Variants in PPFIA2 observed in about 807,000 individuals in gnomAD.
PPFIA2 encodes the protein PPFI scaffold protein A2, also known as liprin-alpha-2.
Under a neutral mutation model 175.5 loss-of-function variants are expected in PPFIA2, and 46 were observed. The observed-to-expected ratio is 0.26, with a 90% CI of 0.21 to 0.34. The LOEUF (loss-of-function observed/expected upper bound fraction) is 0.34. PPFIA2 is among the 10% of genes least tolerant of loss of function. The probability of loss-of-function intolerance (pLI) is 1.00; values close to 1 mark genes in which losing one functional copy is unlikely to be tolerated. For synonymous variants in PPFIA2, 568 were observed against 511.4 expected (o/e 1.11, Z -1.49); for missense variants, 1,179 against 1,506.1 (o/e 0.78, Z 3.60).
chr12:81,362,321 T>C (rs1285111443), intron 15 of PPFIA2, among the ~76,000 whole-genome samples: 1 of 151,384 alleles, frequency 6.6e-6, no homozygotes, highest in Admixed American at 6.6e-5. Context: ...GAAAATTTTA[T>C]GTCGAATTCA....
At chr12:81,746,546 AAAT>A (rs1399192400) in intron 3 of PPFIA2, among the ~76,000 whole-genome samples, 2 of 144,200 alleles carry the variant, frequency 1.4e-5, no homozygotes, top group Non-Finnish European at 3.1e-5. Context: ...GAAAAAGAAA[AAAT>A]AAGTTGAAAA....
intron 22 of PPFIA2, among the ~76,000 whole-genome samples, chr12:81,316,192 C>A (rs917655212): frequency 6.6e-6 from 1 of 151,470 alleles, no homozygotes; most frequent in Non-Finnish European, 1.5e-5. Context: ...AGAGACTATA[C>A]GTAATTACTG....
rs559673537 is a variant in PPFIA2 at position 81,590,773 on chromosome 12, C to T, written c.303+86018G>A. Among the ~76,000 whole-genome samples, 28 of 152,244 alleles carry T rather than the reference C, an allele frequency of 1.8e-4. No individual in the cohort carries two copies. In the South Asian group the frequency reaches 3.5e-3, roughly 19 times the overall value. On this transcript the variant is annotated intron_variant, in intron 4 of 32. Transcript: ENST00000549396. ...GATGTCATTTGCTCTTCCTTGCCTCCGCCATGACTGTAAGGCCTCCTCAGC... is the reference window on the plus strand; with the variant it reads ...GATGTCATTTGCTCTTCCTTGCCTCTGCCATGACTGTAAGGCCTCCTCAGC...
chr12:81,579,339 T>A (rs1028821193), intron 4 of PPFIA2, among the ~76,000 whole-genome samples: 1 of 151,792 alleles, frequency 6.6e-6, no homozygotes, highest in Non-Finnish European at 1.5e-5. Flanking sequence ...GAAATCAGAA[T>A]TTTAAAAAAC....
intron 9 of PPFIA2, among the ~76,000 whole-genome samples, chr12:81,381,806 G>C (rs138961756): frequency 1.3e-5 from 2 of 151,534 alleles, no homozygotes; most frequent in South Asian, 4.1e-4. Flanking sequence ...TTTTTGTTTT[G>C]TTTTGTTTTG....
chr12:81,756,370 G>A (rs2084662399), intron 2 of PPFIA2, among the ~76,000 whole-genome samples: 4 of 152,030 alleles, frequency 2.6e-5, no homozygotes, highest in African/African-American at 9.7e-5. Flanking sequence ...AAGCATAACA[G>A]CAGTGAATAC....
rs566829424 is a variant in PPFIA2 at position 81,494,420 on chromosome 12, C to T, written c.304-36554G>A. ...TATCATCTCACACCAGTTAGAATGGCAATCATTAAAAAGTCAGGAAACAAC... is the reference window on the plus strand; with the variant it reads ...TATCATCTCACACCAGTTAGAATGGTAATCATTAAAAAGTCAGGAAACAAC... On this transcript the variant is annotated intron_variant, in intron 4 of 32. Coordinates refer to ENST00000549396, the MANE Select transcript of PPFIA2 (RefSeq NM_003625.5). Among the ~76,000 whole-genome samples the T allele has an allele frequency of 3.7e-3, 570 of 152,178 alleles. 3 individuals are homozygous for T. The highest frequency in any genetic ancestry group is 0.013 in the African/African-American group (533 of 41,516).
intron 3 of PPFIA2, among the ~76,000 whole-genome samples, chr12:81,717,046 G>A (rs774656377): frequency 6.6e-6 from 1 of 151,630 alleles, no homozygotes; most frequent in Non-Finnish European, 1.5e-5. Context: ...TGAGATAGTG[G>A]GACAACATGG....
At chr12:81,647,239 T>C (rs1035133228) in intron 4 of PPFIA2, among the ~76,000 whole-genome samples, 4 of 152,026 alleles carry the variant, frequency 2.6e-5, no homozygotes, top group African/African-American at 9.7e-5. Context: ...TCAGTGAACT[T>C]GAAAATGGGT....
At chr12:81,655,495 A>G (rs1161726668) in intron 4 of PPFIA2, among the ~76,000 whole-genome samples, 1 of 151,950 alleles carries the variant, frequency 6.6e-6, no homozygotes, top group Non-Finnish European at 1.5e-5. Context: ...AATATGTAGT[A>G]TCTCAAAATG....
At chr12:81,272,115 A>T (rs2039292509) in intron 28 of PPFIA2, among the ~76,000 whole-genome samples, 1 of 152,018 alleles carries the variant, frequency 6.6e-6, no homozygotes, top group South Asian at 2.1e-4. Context: ...ATTATTGTGG[A>T]GTTTACTCTG....
At chr12:81,437,937 T>G (rs2049388051) in intron 7 of PPFIA2, among the ~76,000 whole-genome samples, 1 of 151,700 alleles carries the variant, frequency 6.6e-6, no homozygotes. Context: ...TATTTCTTTT[T>G]TTTTTTTTTC....
chr12:81,665,842 A>T (rs1334233356), intron 4 of PPFIA2, among the ~76,000 whole-genome samples: 8 of 152,136 alleles, frequency 5.3e-5, no homozygotes, highest in Admixed American at 4.6e-4. Flanking sequence ...ACAGAATGGG[A>T]GAAAATTTTT....
chr12:81,638,774 G>A lies in PPFIA2; in HGVS notation c.303+38017C>T, dbSNP rs1208081517. 4.0e-5 allele frequency among the ~76,000 whole-genome samples: 5 copies of A among 125,158 alleles called. No homozygotes were observed. In the South Asian group the frequency reaches 1.1e-3, roughly 27 times the overall value. The allele number at this position is 125,158 out of a possible 152,430, so 82.1% of individuals were successfully genotyped here. A position where few individuals can be genotyped will look rare whatever the true frequency, so the allele number is the denominator to read the frequency against. On this transcript the variant is annotated intron_variant, in intron 4 of 32. Transcript: ENST00000549396. ...GGGATCTCGGCTCACTGCAAGCTCC[G>A]CCTCCCGGGTTCACGCCATTCTCCT...
chr12:81,370,169 G>T (rs904357887), intron 11 of PPFIA2, among the ~76,000 whole-genome samples: 1 of 151,766 alleles, frequency 6.6e-6, no homozygotes, highest in Non-Finnish European at 1.5e-5. Flanking sequence ...TGACTCAGGT[G>T]TAATTAATTT....
chr12:81,502,722 G>C (rs1394520214), intron 4 of PPFIA2, among the ~76,000 whole-genome samples: 2 of 152,102 alleles, frequency 1.3e-5, no homozygotes, highest in Non-Finnish European at 2.9e-5. Flanking sequence ...GAGCAGAAGA[G>C]CAGAAAGTAC....
At chr12:81,682,510 A>G (rs1434693864) in intron 3 of PPFIA2, among the ~76,000 whole-genome samples, 1 of 152,060 alleles carries the variant, frequency 6.6e-6, no homozygotes, top group Non-Finnish European at 1.5e-5. Flanking sequence ...TATAGAGTAC[A>G]TAAGAGTTCA....
At chr12:81,513,962 A>T (rs1250522979) in intron 4 of PPFIA2, among the ~76,000 whole-genome samples, 1 of 152,006 alleles carries the variant, frequency 6.6e-6, no homozygotes, top group Non-Finnish European at 1.5e-5. Context: ...AAAAATGAAC[A>T]AGCAAAGAAA....
At chr12:81,630,588 T>A (rs2063258655) in intron 4 of PPFIA2, among the ~76,000 whole-genome samples, 1 of 152,124 alleles carries the variant, frequency 6.6e-6, no homozygotes, top group Non-Finnish European at 1.5e-5. Context: ...TATAATCAGC[T>A]TTTGGAAGCC....
Sources: gnomAD v4.1 joint callset for allele counts (sites outside exome capture counted in the v4.1 genomes callset) on GRCh38, gnomAD v4.1.1 for gene constraint, MANE v1.5 for transcripts, NCBI Gene and HGNC (gene_info 2026-07-23, HGNC 2026-07-21) for gene names.